The following FAM3C variants were observed in gnomAD, a reference collection of about 807,000 sequenced individuals.
FAM3C encodes FAM3 metabolism regulating signaling molecule C, also known as protein FAM3C.
In FAM3C, 15 loss-of-function variants were observed where a neutral mutation model predicts 32.5. The ratio of observed to expected loss-of-function variants is 0.46; its 90% CI spans 0.31 to 0.71. The LOEUF (loss-of-function observed/expected upper bound fraction) is 0.71. Among genes scored for constraint, FAM3C ranks in the 30% least tolerant of loss-of-function variants. The probability of loss-of-function intolerance (pLI) is 0.05; values close to 1 mark genes in which losing one functional copy is unlikely to be tolerated. For synonymous variants in FAM3C, 75 were observed against 86.1 expected (o/e 0.87, Z 0.72); for missense variants, 175 against 274.4 (o/e 0.64, Z 2.56).
chr7:121,390,573 C>T (rs1794553496), intron 1 of FAM3C, among the ~76,000 whole-genome samples: 1 of 152,112 alleles, frequency 6.6e-6, no homozygotes, highest in Non-Finnish European at 1.5e-5. Flanking sequence ...GATTCTGACC[C>T]TTACCATCTG....
At chr7:121,373,445 A>G (rs1389830228) in intron 3 of FAM3C, among the ~76,000 whole-genome samples, 1 of 152,236 alleles carries the variant, frequency 6.6e-6, no homozygotes, top group Non-Finnish European at 1.5e-5. Context: ...TACAGGTACA[A>G]CATACAAACA....
intron 1 of FAM3C, among the ~76,000 whole-genome samples, chr7:121,387,349 C>T (rs1794486116): frequency 6.6e-6 from 1 of 152,106 alleles, no homozygotes; most frequent in African/African-American, 2.4e-5. Context: ...CCCAACCAGG[C>T]TCTAACAGTC....
chr7:121,395,549 G>T (rs1305887923), intron 1 of FAM3C, among the ~76,000 whole-genome samples: 1 of 151,604 alleles, frequency 6.6e-6, no homozygotes, highest in Non-Finnish European at 1.5e-5. Context: ...TTGCCAATCC[G>T]TCACTCACAT....
intron 8 of FAM3C, among the ~76,000 whole-genome samples, chr7:121,352,537 C>G (rs746527209): frequency 2.0e-5 from 3 of 152,180 alleles, no homozygotes; most frequent in Non-Finnish European, 2.9e-5. Flanking sequence ...TTAAGTGGTA[C>G]ATTTATAGCC....
In FAM3C at chr7:121,353,135, T is replaced by A. The variant is rs141738847; in HGVS notation, c.468-1866A>T. 5.9e-4 allele frequency among the ~76,000 whole-genome samples: 90 copies of A among 152,292 alleles called. 3 individuals are homozygous for A. In the East Asian group the frequency reaches 0.014, roughly 24 times the overall value. ...ATGATGAATGTGAAGTTCACAAATG[T>A]TAAGAGATTGCTTTACACAGGAAAA... On this transcript the variant is annotated intron_variant, in intron 8 of 9. Coordinates refer to ENST00000359943, the MANE Select transcript of FAM3C (RefSeq NM_014888.3).
At chr7:121,390,824 T>C (rs1794558172) in intron 1 of FAM3C, among the ~76,000 whole-genome samples, 1 of 103,820 alleles carries the variant, frequency 9.6e-6, no homozygotes, top group South Asian at 3.6e-4. Flanking sequence ...AGCACACCAA[T>C]CCACACACAC....
chr7:121,392,474 C>T (rs1440709278), intron 1 of FAM3C, among the ~76,000 whole-genome samples: 1 of 152,156 alleles, frequency 6.6e-6, no homozygotes, highest in Non-Finnish European at 1.5e-5. Flanking sequence ...GGGGAAGCCG[C>T]CCTCATGATG....
At chr7:121,351,094 G>A (rs1793694634) in intron 9 of FAM3C, 49 bp downstream of exon 9, 3 of 1,558,188 alleles carry the variant, frequency 1.9e-6, no homozygotes, top group South Asian at 1.2e-5. Context: ...TGTACCGTAA[G>A]GTTTCACAGA....
intron 8 of FAM3C, among the ~76,000 whole-genome samples, chr7:121,352,077 A>G (rs1793717788): frequency 6.6e-6 from 1 of 152,192 alleles, no homozygotes. Flanking sequence ...ATTGAGTCCT[A>G]TATACTGCGC....
chr7:121,354,422 C>T (rs1793768274), intron 8 of FAM3C, among the ~76,000 whole-genome samples: 1 of 152,208 alleles, frequency 6.6e-6, no homozygotes, highest in East Asian at 1.9e-4. Context: ...TCAGGTTTTG[C>T]TAGAAGACAA....
intron 5 of FAM3C, among the ~76,000 whole-genome samples, chr7:121,366,438 C>T (rs1794025295): frequency 6.6e-6 from 1 of 151,982 alleles, no homozygotes; most frequent in African/African-American, 2.4e-5. Context: ...TCACAAAAGA[C>T]CAAATATTAT....
intron 2 of FAM3C, among the ~76,000 whole-genome samples, chr7:121,379,575 T>A (rs1309828368): frequency 1.3e-5 from 2 of 152,154 alleles, no homozygotes; most frequent in Non-Finnish European, 2.9e-5. Context: ...AATACCTTAG[T>A]ACCTTAAGAC....
chr7:121,377,680 T>C (rs1318288722), intron 3 of FAM3C, among the ~76,000 whole-genome samples: 4 of 152,210 alleles, frequency 2.6e-5, no homozygotes, highest in Non-Finnish European at 5.9e-5. Context: ...ACAGACCATA[T>C]ATAGAGTGGT....
chr7:121,380,518 G>A (rs561310545), intron 2 of FAM3C, among the ~76,000 whole-genome samples: 1 of 152,006 alleles, frequency 6.6e-6, no homozygotes, highest in South Asian at 2.1e-4. Context: ...TAAACATAAA[G>A]AAGGGAAAAA....
At chr7:121,394,416 A>C (rs1310004258) in intron 1 of FAM3C, among the ~76,000 whole-genome samples, 2 of 152,320 alleles carry the variant, frequency 1.3e-5, no homozygotes, top group East Asian at 1.9e-4. Context: ...ACATCCATTA[A>C]GTTTATTTTT....
At chr7:121,371,723 C>T (rs1256104214) in intron 4 of FAM3C, among the ~76,000 whole-genome samples, 1 of 152,064 alleles carries the variant, frequency 6.6e-6, no homozygotes, top group African/African-American at 2.4e-5. Flanking sequence ...TTTTATCTAA[C>T]TATGAGTTTA....
intron 5 of FAM3C, among the ~76,000 whole-genome samples, chr7:121,365,418 T>C (rs1284586754): frequency 1.3e-5 from 2 of 152,114 alleles, no homozygotes; most frequent in Admixed American, 6.5e-5. Flanking sequence ...ATAATAGATA[T>C]AGATAGGACA....
At chr7:121,392,546 G>A (rs1162831396) in intron 1 of FAM3C, among the ~76,000 whole-genome samples, 3 of 152,134 alleles carry the variant, frequency 2.0e-5, no homozygotes, top group African/African-American at 2.4e-5. Flanking sequence ...GAGTGGGGAC[G>A]CAGAACCAAA....
intron 5 of FAM3C, among the ~76,000 whole-genome samples, chr7:121,368,972 G>GTTT (rs563834740): frequency 1.5e-3 from 146 of 96,132 alleles, no homozygotes; most frequent in East Asian, 3.7e-3. Context: ...TGTTGTTGTT[G>GTTT]TTTTTTTTTT....
Sources: allele counts gnomAD v4.1 joint callset (sites outside exome capture counted in the v4.1 genomes callset), GRCh38; gene constraint gnomAD v4.1.1; transcripts MANE v1.5; gene names NCBI Gene and HGNC (gene_info 2026-07-23, HGNC 2026-07-21).